LOC128462377: variants seen among roughly 807,000 people sequenced by gnomAD.
the LOC128462377 span, among the ~76,000 whole-genome samples, chr16:89,378,000 A>C: frequency 6.6e-6 from 1 of 152,048 alleles, no homozygotes; most frequent in Non-Finnish European, 1.5e-5. Context: ...TTTCTTAACA[A>C]CACCTTCTTT....
At chr16:89,363,242 T>C in the LOC128462377 span, among the ~76,000 whole-genome samples, 2 of 152,190 alleles carry the variant, frequency 1.3e-5, no homozygotes, top group African/African-American at 4.8e-5. Flanking sequence ...TTAAAATTTT[T>C]TCCTATACTC....
the LOC128462377 span, among the ~76,000 whole-genome samples, chr16:89,363,184 G>C: frequency 6.6e-6 from 1 of 152,064 alleles, no homozygotes; most frequent in Admixed American, 6.5e-5. Flanking sequence ...AAAAATATAC[G>C]ATGTTTCCAG....
chr16:89,410,883 C>T, the LOC128462377 span, among the ~76,000 whole-genome samples: 7 of 152,306 alleles, frequency 4.6e-5, no homozygotes, highest in East Asian at 7.7e-4. Context: ...TGCGTGAACA[C>T]GTGTTCTACA....
chr16:89,404,339 G>T, the LOC128462377 span, among the ~76,000 whole-genome samples: 2 of 152,178 alleles, frequency 1.3e-5, no homozygotes, highest in African/African-American at 4.8e-5. Flanking sequence ...GGAAGTGCAG[G>T]AAGGAATACA....
At chr16:89,382,707 T>C in the LOC128462377 span, among the ~76,000 whole-genome samples, 1 of 151,038 alleles carries the variant, frequency 6.6e-6, no homozygotes, top group East Asian at 2.0e-4. Flanking sequence ...CTCAAACTCC[T>C]GGGCTCAAGT....
At chr16:89,380,708 G>A in the LOC128462377 span, among the ~76,000 whole-genome samples, 2 of 152,366 alleles carry the variant, frequency 1.3e-5, no homozygotes, top group African/African-American at 4.8e-5. Flanking sequence ...GTACCTGCCT[G>A]CTTTCCAGGG....
At chr16:89,330,836 C>T in the LOC128462377 span, among the ~76,000 whole-genome samples, 1 of 152,174 alleles carries the variant, frequency 6.6e-6, no homozygotes, top group Non-Finnish European at 1.5e-5. Flanking sequence ...TCTGTGGACA[C>T]TCTTTAAACT....
the LOC128462377 span, among the ~76,000 whole-genome samples, chr16:89,406,845 A>G: frequency 2.0e-5 from 3 of 152,328 alleles, no homozygotes; most frequent in East Asian, 5.8e-4. Context: ...GGAATATGGA[A>G]GGGGAAAAGG....
At chr16:89,334,158 A>C in the LOC128462377 span, among the ~76,000 whole-genome samples, 1 of 140,256 alleles carries the variant, frequency 7.1e-6, no homozygotes, top group East Asian at 2.1e-4. Context: ...AAAAAAAAAA[A>C]AAAAAAAAAA....
chr16:89,319,623 C>T, the LOC128462377 span, among the ~76,000 whole-genome samples: 7 of 152,228 alleles, frequency 4.6e-5, no homozygotes, highest in East Asian at 1.9e-4. Context: ...CCCCAGCCCC[C>T]GCCTCTCCAT....
At chr16:89,356,795 A>G in the LOC128462377 span, among the ~76,000 whole-genome samples, 1 of 150,500 alleles carries the variant, frequency 6.6e-6, no homozygotes, top group East Asian at 1.9e-4. Context: ...AAAAAAAAAA[A>G]GAAAAAAGAA....
chr16:89,395,741 T>C, the LOC128462377 span: 1 of 152,186 alleles, frequency 6.6e-6, no homozygotes, highest in African/African-American at 2.4e-5. Flanking sequence ...ACAGACTGAA[T>C]AGCTTGGTAC....
chr16:89,399,483 G>C, the LOC128462377 span, among the ~76,000 whole-genome samples: 1 of 152,218 alleles, frequency 6.6e-6, no homozygotes, highest in South Asian at 2.1e-4. Context: ...ACAAAGATCA[G>C]CGAATGCCAG....
At chr16:89,341,076 T>G in the LOC128462377 span, among the ~76,000 whole-genome samples, 2 of 152,184 alleles carry the variant, frequency 1.3e-5, no homozygotes, top group Admixed American at 1.3e-4. Flanking sequence ...AGGAAAAAAT[T>G]AATAAGTCAT....
At chr16:89,393,946 G>GT in the LOC128462377 span, among the ~76,000 whole-genome samples, 29 of 152,214 alleles carry the variant, frequency 1.9e-4, no homozygotes, top group African/African-American at 6.3e-4. Flanking sequence ...TAGTTTACTT[G>GT]TGAGGGCTAC....
the LOC128462377 span, among the ~76,000 whole-genome samples, chr16:89,351,865 C>A: frequency 1.3e-5 from 2 of 152,182 alleles, no homozygotes; most frequent in Non-Finnish European, 1.5e-5. Flanking sequence ...TTGAACTGTG[C>A]GCTTTATCTG....
chr16:89,325,270 T>A, the LOC128462377 span, among the ~76,000 whole-genome samples: 5 of 152,108 alleles, frequency 3.3e-5, no homozygotes, highest in Admixed American at 1.3e-4. Flanking sequence ...GAACCCTGTC[T>A]CTACGAAAAG....
chr16:89,384,718 C>T, the LOC128462377 span, among the ~76,000 whole-genome samples: 17 of 152,056 alleles, frequency 1.1e-4, no homozygotes, highest in Admixed American at 2.0e-4. Flanking sequence ...CCTTTTACCT[C>T]AATCAGGTGG....
chr16:89,373,517 T>G, the LOC128462377 span: 3 of 152,288 alleles, frequency 2.0e-5, no homozygotes, highest in Non-Finnish European at 4.4e-5. Flanking sequence ...CCAGTTCTGC[T>G]GAGTGGACGG....
Sources: allele counts gnomAD v4.1 joint callset (sites outside exome capture counted in the v4.1 genomes callset), GRCh38; gene constraint gnomAD v4.1.1; transcripts MANE v1.5.